SLC12A2: variants seen among roughly 807,000 people sequenced by gnomAD.
The protein encoded by SLC12A2 is solute carrier family 12 member 2.
Under a neutral mutation model 136.3 loss-of-function variants are expected in SLC12A2, and 67 were observed. That is an observed-to-expected ratio of 0.49 (90% CI 0.40 to 0.60). The LOEUF (loss-of-function observed/expected upper bound fraction) is 0.60. SLC12A2 is among the 20% of genes least tolerant of loss of function. SLC12A2 has a pLI of 0.00. For synonymous variants in SLC12A2, 619 were observed against 562.9 expected (o/e 1.10, Z -1.41); for missense variants, 1,322 against 1,534.7 (o/e 0.86, Z 2.32).
chr5:128,175,192 A>G (rs1763500725), intron 20 of SLC12A2, among the ~76,000 whole-genome samples: 1 of 152,096 alleles, frequency 6.6e-6, no homozygotes, highest in African/African-American at 2.4e-5. Context: ...AAACTGTAAC[A>G]TACTTTTGAT....
intron 1 of SLC12A2, among the ~76,000 whole-genome samples, chr5:128,089,394 G>A (rs187460923): frequency 6.6e-6 from 1 of 152,080 alleles, no homozygotes; most frequent in Admixed American, 6.5e-5. Flanking sequence ...GCAAGACCCT[G>A]TCTAAAAAAA....
At chr5:128,147,479 G>T (rs752130355) in intron 10 of SLC12A2, 143 bp from the exon 11 acceptor site, 60 of 528,686 alleles carry the variant, frequency 1.1e-4, no homozygotes, top group East Asian at 5.4e-4. Flanking sequence ...TCAGATATTT[G>T]TAATGCACAT....
At chr5:128,129,787 A>G (rs1379621754) in intron 4 of SLC12A2, among the ~76,000 whole-genome samples, 1 of 152,212 alleles carries the variant, frequency 6.6e-6, no homozygotes, top group Non-Finnish European at 1.5e-5. Flanking sequence ...CAGTAGTATT[A>G]AAACCAAGTT....
chr5:128,166,318 G>A (rs1431936700), intron 17 of SLC12A2, among the ~76,000 whole-genome samples: 1 of 151,984 alleles, frequency 6.6e-6, no homozygotes, highest in Non-Finnish European at 1.5e-5. Flanking sequence ...TAATAGCATT[G>A]GATTTGTTAG....
At chr5:128,100,706 A>C (rs547030501) in intron 1 of SLC12A2, among the ~76,000 whole-genome samples, 1 of 152,288 alleles carries the variant, frequency 6.6e-6, no homozygotes, top group South Asian at 2.1e-4. Context: ...TTATGATGCT[A>C]CTAGACATAT....
intron 4 of SLC12A2, among the ~76,000 whole-genome samples, chr5:128,128,847 G>C (rs1761912386): frequency 6.6e-6 from 1 of 151,484 alleles, no homozygotes; most frequent in South Asian, 2.1e-4. Flanking sequence ...ATGGAAGTGG[G>C]AAGGAATAGG....
chr5:128,143,906 A>G (rs1407940680), intron 10 of SLC12A2, among the ~76,000 whole-genome samples: 1 of 142,228 alleles, frequency 7.0e-6, no homozygotes, highest in Non-Finnish European at 1.6e-5. Context: ...AAAATTATTT[A>G]TAATAAAATT....
At chr5:128,130,514 C>CAAAAAAA (rs565322518) in intron 4 of SLC12A2, among the ~76,000 whole-genome samples, 2 of 81,480 alleles carry the variant, frequency 2.5e-5, no homozygotes, top group African/African-American at 4.9e-5. Flanking sequence ...GACTCTGTCT[C>CAAAAAAA]AAAAAAAAAA....
chr5:128,102,368 C>T (rs537835017), intron 1 of SLC12A2, among the ~76,000 whole-genome samples: 1 of 152,032 alleles, frequency 6.6e-6, no homozygotes, highest in South Asian at 2.1e-4. Flanking sequence ...CACAAAATAG[C>T]CACTACCCTG....
intron 1 of SLC12A2, among the ~76,000 whole-genome samples, chr5:128,100,132 G>A (rs1760694787): frequency 6.6e-6 from 1 of 152,096 alleles, no homozygotes; most frequent in African/African-American, 2.4e-5. Context: ...TGTGCTCTTA[G>A]AATGGCTACC....
intron 4 of SLC12A2, among the ~76,000 whole-genome samples, chr5:128,115,919 G>T (rs1262653817): frequency 1.3e-5 from 2 of 152,186 alleles, no homozygotes; most frequent in Non-Finnish European, 2.9e-5. Flanking sequence ...GTATCAATAT[G>T]ATTATGACTA....
intron 1 of SLC12A2, chr5:128,109,845 C>A (rs986437764): frequency 4.2e-5 from 33 of 786,206 alleles, no homozygotes; most frequent in Non-Finnish European, 7.3e-5. Flanking sequence ...CAAGATGTGG[C>A]CAAATCCCCA....
chr5:128,112,947 G>T lies in SLC12A2; in HGVS notation c.876+14G>T. The T allele has an allele frequency of 1.3e-6, 2 of 1,568,038 alleles. No individual in the cohort carries two copies. The highest frequency in any genetic ancestry group is 1.7e-6 in the Non-Finnish European group (2 of 1,162,500). On this transcript the variant is annotated intron_variant, in intron 2 of 26. Transcript: ENST00000262461. ...AAGGGTGTATTAGTATGTATATATAGACTTAATTTTATAGTTACAGCATAT... is the reference window on the plus strand; with the variant it reads ...AAGGGTGTATTAGTATGTATATATATACTTAATTTTATAGTTACAGCATAT...
intron 5 of SLC12A2, among the ~76,000 whole-genome samples, chr5:128,133,627 A>C (rs1371899132): frequency 6.6e-6 from 1 of 152,052 alleles, no homozygotes; most frequent in East Asian, 1.9e-4. Flanking sequence ...TTGCTTAGTT[A>C]ACTGGGATAT....
intron 1 of SLC12A2, among the ~76,000 whole-genome samples, chr5:128,086,623 T>C (rs1466986915): frequency 6.6e-6 from 1 of 152,222 alleles, no homozygotes; most frequent in African/African-American, 2.4e-5. Context: ...ACAGGTACTT[T>C]AATTCTTTGT....
At chr5:128,165,552 T>G (rs1246133511) in intron 17 of SLC12A2, among the ~76,000 whole-genome samples, 2 of 152,164 alleles carry the variant, frequency 1.3e-5, no homozygotes, top group Non-Finnish European at 2.9e-5. Flanking sequence ...AAACATATTT[T>G]CAGTAGCTAA....
At chr5:128,145,258 C>G (rs1581109126) in intron 10 of SLC12A2, among the ~76,000 whole-genome samples, 1 of 152,128 alleles carries the variant, frequency 6.6e-6, no homozygotes, top group Middle Eastern at 3.4e-3. Context: ...TCAGTTTTGC[C>G]TTACTCCTAC....
At chr5:128,152,934 C>A (rs549893128) in intron 15 of SLC12A2, 129 bp downstream of exon 15, 5 of 598,458 alleles carry the variant, frequency 8.4e-6, no homozygotes, top group South Asian at 4.4e-5. Flanking sequence ...TATTCAAGAA[C>A]AAAATTGTAC....
intron 16 of SLC12A2, among the ~76,000 whole-genome samples, chr5:128,159,669 C>A (rs574584639): frequency 1.3e-5 from 2 of 151,786 alleles, no homozygotes; most frequent in Non-Finnish European, 2.9e-5. Flanking sequence ...TAGAGAAATG[C>A]AAATCAAAAC....
Sources: allele counts gnomAD v4.1 joint callset (sites outside exome capture counted in the v4.1 genomes callset), GRCh38; gene constraint gnomAD v4.1.1; transcripts MANE v1.5; gene names NCBI Gene and HGNC (gene_info 2026-07-23, HGNC 2026-07-21).